The following MYO3B variants were observed in gnomAD, a reference collection of about 807,000 sequenced individuals.
The protein encoded by MYO3B is myosin-IIIb.
A neutral mutation model predicts 174.6 loss-of-function variants in MYO3B; 156 were observed. The observed-to-expected ratio is 0.89, with a 90% CI of 0.78 to 1.02. The LOEUF is 1.02. Ranked by LOEUF, MYO3B falls within the 50% of genes least tolerant of loss-of-function variation. The pLI is 0.00. For synonymous variants in MYO3B, 563 were observed against 569.1 expected (o/e 0.99, Z 0.15); for missense variants, 1,632 against 1,639.4 (o/e 1.00, Z 0.08).
intron 23 of MYO3B, among the ~76,000 whole-genome samples, chr2:170,445,827 G>A (rs1339397579): frequency 6.6e-6 from 1 of 152,120 alleles, no homozygotes; most frequent in African/African-American, 2.4e-5. Context: ...TTGTAGAGAT[G>A]AGGTCTTGCT....
chr2:170,467,266 A>G (rs995725668), intron 25 of MYO3B, among the ~76,000 whole-genome samples: 9 of 152,124 alleles, frequency 5.9e-5, no homozygotes, highest in Non-Finnish European at 1.3e-4. Context: ...AAAGTAAGTG[A>G]TTTTCCCATG....
chr2:170,554,589 C>T (rs372720651), intron 32 of MYO3B, among the ~76,000 whole-genome samples: 1 of 152,224 alleles, frequency 6.6e-6, no homozygotes, highest in East Asian at 1.9e-4. Flanking sequence ...ATTCCTGCGA[C>T]TCATTAAAGC....
chr2:170,650,503 T>TAAG (rs1698915728), intron 32 of MYO3B, among the ~76,000 whole-genome samples: 1 of 151,992 alleles, frequency 6.6e-6, no homozygotes, highest in Non-Finnish European at 1.5e-5. Context: ...AGGATAGTGA[T>TAAG]AGCTTTTCTC....
rs1375594580 is a variant in MYO3B, at chr2:170,407,713, A to G, written c.2521-2A>G. The G allele has an allele frequency of 1.1e-5, 17 of 1,613,604 alleles. No homozygotes were observed. Among genetic ancestry groups the G allele is most frequent in the Admixed American group, 1.7e-5 (1 of 59,996 alleles). ...ATTTGCCGTTTGCTATTCATGTTAC[A>G]GGTATTATATGATGCTTCTGGGGTT... is the stretch of plus-strand genomic sequence containing the variant. On this transcript the variant is annotated splice_acceptor_variant, in intron 21 of 34. Transcript: ENST00000408978. LOFTEE classifies it high-confidence loss of function.
At chr2:170,511,356 G>A (rs949858564) in intron 28 of MYO3B, among the ~76,000 whole-genome samples, 4 of 151,840 alleles carry the variant, frequency 2.6e-5, no homozygotes, top group African/African-American at 7.3e-5. Flanking sequence ...GTGAGCCACC[G>A]CGCCCAGCCT....
At chr2:170,496,269 A>G (rs1248031106) in intron 25 of MYO3B, among the ~76,000 whole-genome samples, 1 of 152,238 alleles carries the variant, frequency 6.6e-6, no homozygotes, top group African/African-American at 2.4e-5. Flanking sequence ...ATAAAGTTGA[A>G]TGAGTCAAGT....
chr2:170,252,735 GT>G (rs2093266548), intron 7 of MYO3B, among the ~76,000 whole-genome samples: 1 of 152,184 alleles, frequency 6.6e-6, no homozygotes, highest in East Asian at 1.9e-4. Context: ...TTGGGGTGGG[GT>G]TTGTTATATA....
At chr2:170,543,835 T>G in intron 31 of MYO3B, 57 bp from the exon 32 acceptor site, 2 of 1,428,626 alleles carry the variant, frequency 1.4e-6, no homozygotes, top group Non-Finnish European at 2.0e-6. Context: ...GCCATGTCCT[T>G]AAGGCTGTTT....
At chr2:170,523,689 T>A (rs1319803555) in intron 30 of MYO3B, among the ~76,000 whole-genome samples, 1 of 152,214 alleles carries the variant, frequency 6.6e-6, no homozygotes, top group African/African-American at 2.4e-5. Flanking sequence ...ATGTCAGTCA[T>A]GCCCCCACTT....
chr2:170,216,776 G>C (rs184759548), intron 5 of MYO3B, among the ~76,000 whole-genome samples: 1 of 152,030 alleles, frequency 6.6e-6, no homozygotes, highest in African/African-American at 2.4e-5. Flanking sequence ...TATTAAGAAA[G>C]AAGTCATGTG....
At chr2:170,400,102 C>A in intron 16 of MYO3B, 86 bp from the exon 17 acceptor site, 4 of 1,554,970 alleles carry the variant, frequency 2.6e-6, no homozygotes, top group South Asian at 2.3e-5. Flanking sequence ...CTTTGGTAGA[C>A]AACTAGTAGT....
At chr2:170,456,594 T>C (rs539024874) in intron 23 of MYO3B, among the ~76,000 whole-genome samples, 1 of 152,208 alleles carries the variant, frequency 6.6e-6, no homozygotes, top group Non-Finnish European at 1.5e-5. Context: ...TTCTTACCAA[T>C]AAATAAAAAG....
intron 32 of MYO3B, among the ~76,000 whole-genome samples, chr2:170,585,348 T>C (rs1418600225): frequency 1.3e-5 from 2 of 151,690 alleles, no homozygotes; most frequent in Admixed American, 6.5e-5. Context: ...CTTGAGCATG[T>C]CTTCATTTTA....
intron 8 of MYO3B, chr2:170,340,542 G>A (rs1314809191): frequency 6.6e-6 from 1 of 152,216 alleles, no homozygotes; most frequent in African/African-American, 2.4e-5. Flanking sequence ...TTTATTTAAT[G>A]TAAGTTTTAT....
intron 6 of MYO3B, among the ~76,000 whole-genome samples, chr2:170,222,277 C>T (rs939765006): frequency 2.0e-5 from 3 of 152,154 alleles, no homozygotes; most frequent in African/African-American, 4.8e-5. Flanking sequence ...AACCAAACAG[C>T]GAGAAGTTAA....
chr2:170,405,879 C>T (rs540560447), intron 21 of MYO3B, among the ~76,000 whole-genome samples: 1 of 152,240 alleles, frequency 6.6e-6, no homozygotes, highest in Non-Finnish European at 1.5e-5. Context: ...TGAGGTTTGG[C>T]CTAGAACTGA....
intron 22 of MYO3B, among the ~76,000 whole-genome samples, chr2:170,433,522 T>C (rs888414762): frequency 3.3e-5 from 5 of 152,258 alleles, no homozygotes; most frequent in African/African-American, 1.2e-4. Flanking sequence ...TGAGAATATC[T>C]TAACTGAATT....
intron 32 of MYO3B, among the ~76,000 whole-genome samples, chr2:170,544,693 G>A (rs186750258): frequency 6.6e-6 from 1 of 152,244 alleles, no homozygotes; most frequent in East Asian, 1.9e-4. Context: ...GTTTTTCGGT[G>A]ACAAAGTAGC....
intron 28 of MYO3B, among the ~76,000 whole-genome samples, chr2:170,504,197 C>A (rs986770995): frequency 6.6e-6 from 1 of 152,120 alleles, no homozygotes; most frequent in African/African-American, 2.4e-5. Flanking sequence ...CAACCATTTC[C>A]GGTTGTTTTC....
Sources: allele counts gnomAD v4.1 joint callset (sites outside exome capture counted in the v4.1 genomes callset), GRCh38; gene constraint gnomAD v4.1.1; transcripts MANE v1.5; gene names NCBI Gene and HGNC (gene_info 2026-07-23, HGNC 2026-07-21).